Variants in DGKI observed in about 807,000 individuals in gnomAD.
The protein encoded by DGKI is DAG kinase iota.
Under a neutral mutation model 147.5 loss-of-function variants are expected in DGKI, and 55 were observed. That is an observed-to-expected ratio of 0.37 (90% CI 0.30 to 0.47). DGKI has a LOEUF of 0.47. Ranked by LOEUF, DGKI falls within the 20% of genes least tolerant of loss-of-function variation. The pLI is 1.00. For missense variants in DGKI, 1,007 were observed against 1,323.8 expected, an observed-to-expected ratio of 0.76 and a Z score of 3.71; for synonymous variants, 469 against 477.1, an observed-to-expected ratio of 0.98 and a Z score of 0.22.
At position 137,638,630 on chromosome 7, in the gene DGKI, G is replaced by C. The variant is rs13237002; in HGVS notation, c.804+6842C>G. On this transcript the variant is annotated intron_variant, in intron 6 of 32. Coordinates refer to ENST00000614521, the MANE Select transcript of DGKI (RefSeq NM_001321708.2). ...TATATATACACACACACATATATATGTGTGTATATATGTGTATGTATATAC... is the reference window on the plus strand; with the variant it reads ...TATATATACACACACACATATATATCTGTGTATATATGTGTATGTATATAC... Among the ~76,000 whole-genome samples the C allele has an allele frequency of 4.9e-4, 2 of 4,060 alleles. 1 individual carries two copies. Among genetic ancestry groups the C allele is most frequent in the Non-Finnish European group, 1.2e-3 (2 of 1,676 alleles). 2.7% of individuals were successfully genotyped at this position (4,060 alleles called of 152,430 possible).
At chr7:137,645,224 TG>T (rs1356410005) in intron 6 of DGKI, among the ~76,000 whole-genome samples, 2 of 152,264 alleles carry the variant, frequency 1.3e-5, no homozygotes, top group African/African-American at 4.8e-5. Context: ...AAATCATCAA[TG>T]AAATTCACTG....
In DGKI at chr7:137,581,739, A is replaced by G. The variant is rs922212671; in HGVS notation, c.1642+111T>C. ...GTCATCCTGAAGGTTAAAATGAAAC[A>G]ACACTGAAGCACACTGTAAACGCGT... On this transcript the variant is annotated intron_variant, in intron 15 of 32. Transcript: ENST00000614521. 3 of 880,788 alleles carry G rather than the reference A, an allele frequency of 3.4e-6. No individual in the cohort carries two copies. In the African/African-American group the frequency reaches 5.0e-5, roughly 15 times the overall value. The allele number at this position is 880,788 out of a possible 1,614,324, so 54.6% of individuals were successfully genotyped here.
rs145314024 is a variant in DGKI, at chr7:137,828,804, T to C, written c.401+17658A>G. ...GAGCCACAGTAAAAGTATAAGTCCATGCATTTACTTCTATGCCTCCCAAGT... is the reference window on the plus strand; with the variant it reads ...GAGCCACAGTAAAAGTATAAGTCCACGCATTTACTTCTATGCCTCCCAAGT... On this transcript the variant is annotated intron_variant, in intron 1 of 32. Transcript: ENST00000614521. 3.7e-4 allele frequency among the ~76,000 whole-genome samples: 57 copies of C among 152,344 alleles called. No homozygotes were observed. In the East Asian group the frequency reaches 0.01, roughly 27 times the overall value.
At chr7:137,701,374 A>G (rs921939037) in intron 1 of DGKI, among the ~76,000 whole-genome samples, 3 of 151,806 alleles carry the variant, frequency 2.0e-5, no homozygotes, top group Non-Finnish European at 4.4e-5. Flanking sequence ...GTTAATAATA[A>G]TAATAAAGGC....
chr7:137,493,928 G>A (rs1815866043), intron 21 of DGKI: 2 of 589,230 alleles, frequency 3.4e-6, no homozygotes, highest in Non-Finnish European at 6.1e-6. Flanking sequence ...AAATTCTAAA[G>A]AATACAATAA....
At chr7:137,510,321 T>C (rs1474937439) in intron 21 of DGKI, among the ~76,000 whole-genome samples, 1 of 152,238 alleles carries the variant, frequency 6.6e-6, no homozygotes, top group African/African-American at 2.4e-5. Context: ...ATGATGTATA[T>C]AATCTTTTGG....
intron 3 of DGKI, among the ~76,000 whole-genome samples, chr7:137,658,704 C>T (rs1228636912): frequency 6.6e-6 from 1 of 152,210 alleles, no homozygotes; most frequent in East Asian, 1.9e-4. Flanking sequence ...CAGGAAGCCT[C>T]ATGCATTCAA....
chr7:137,741,221 TG>T (rs1795163664), intron 1 of DGKI, among the ~76,000 whole-genome samples: 1 of 152,048 alleles, frequency 6.6e-6, no homozygotes, highest in African/African-American at 2.4e-5. Flanking sequence ...AACATCTTCT[TG>T]ATTTTAATTA....
rs545489649 is a variant in DGKI, at chr7:137,550,327, C to T, written c.2147+2042G>A. On this transcript the variant is annotated intron_variant, in intron 20 of 32. Coordinates refer to ENST00000614521, the MANE Select transcript of DGKI (RefSeq NM_001321708.2). ...AGTAGCTGGGATTACAGGCGCATGC[C>T]ACCACACCTGTCTAATTTTTGTATT... 9.2e-5 allele frequency among the ~76,000 whole-genome samples: 14 copies of T among 152,064 alleles called. No individual in the cohort carries two copies. The South Asian group carries it at 2.9e-3, about 32-fold the overall frequency.
At chr7:137,403,529 C>T (rs937692424) in intron 30 of DGKI, among the ~76,000 whole-genome samples, 15 of 152,068 alleles carry the variant, frequency 9.9e-5, no homozygotes, top group African/African-American at 3.6e-4. Context: ...AAGAAGAGGG[C>T]AGAGCAGAGG....
At chr7:137,809,119 G>T (rs1357512649) in intron 1 of DGKI, among the ~76,000 whole-genome samples, 3 of 152,172 alleles carry the variant, frequency 2.0e-5, no homozygotes, top group Non-Finnish European at 4.4e-5. Flanking sequence ...GAGGTACAAT[G>T]AGCTCAGACT....
chr7:137,551,633 C>T (rs1418606417), intron 20 of DGKI, among the ~76,000 whole-genome samples: 1 of 152,196 alleles, frequency 6.6e-6, no homozygotes, highest in Admixed American at 6.5e-5. Context: ...CCCACAGACA[C>T]TTAATCACTA....
At chr7:137,550,781 A>C (rs2128965830) in intron 20 of DGKI, among the ~76,000 whole-genome samples, 1 of 152,308 alleles carries the variant, frequency 6.6e-6, no homozygotes, top group South Asian at 2.1e-4. Context: ...ATATATAGTA[A>C]AAACTTTTAG....
intron 8 of DGKI, among the ~76,000 whole-genome samples, chr7:137,617,903 AG>A (rs1820588633): frequency 6.6e-6 from 1 of 151,626 alleles, no homozygotes; most frequent in South Asian, 2.1e-4. Flanking sequence ...AAAGAATGGC[AG>A]AAAAGTTGAT....
At chr7:137,541,595 A>G (rs758269243) in intron 20 of DGKI, among the ~76,000 whole-genome samples, 11 of 152,186 alleles carry the variant, frequency 7.2e-5, no homozygotes, top group Non-Finnish European at 1.2e-4. Context: ...TATGGATACT[A>G]AGGGATGACT....
chr7:137,737,002 C>T (rs1216538753), intron 1 of DGKI, among the ~76,000 whole-genome samples: 2 of 151,880 alleles, frequency 1.3e-5, no homozygotes, highest in African/African-American at 4.8e-5. Flanking sequence ...AATCTTTGAA[C>T]TAACTCTTAA....
chr7:137,545,187 G>A (rs1168410551), intron 20 of DGKI, among the ~76,000 whole-genome samples: 4 of 152,100 alleles, frequency 2.6e-5, no homozygotes, highest in Non-Finnish European at 4.4e-5. Context: ...AAAGGTTGTT[G>A]GGAGAGCAAA....
intron 3 of DGKI, among the ~76,000 whole-genome samples, chr7:137,660,288 A>C (rs1341700206): frequency 6.6e-6 from 1 of 152,226 alleles, no homozygotes; most frequent in Non-Finnish European, 1.5e-5. Context: ...ATCACAGTCC[A>C]TTATATTACA....
chr7:137,502,523 AGGAG>A (rs1816213178), intron 21 of DGKI, among the ~76,000 whole-genome samples: 1 of 151,950 alleles, frequency 6.6e-6, no homozygotes, highest in Non-Finnish European at 1.5e-5. Context: ...AGGATGGAGG[AGGAG>A]GAAGAACAAG....
Sources: gnomAD v4.1 joint callset for allele counts (sites outside exome capture counted in the v4.1 genomes callset) on GRCh38, gnomAD v4.1.1 for gene constraint, MANE v1.5 for transcripts, NCBI Gene and HGNC (gene_info 2026-07-23, HGNC 2026-07-21) for gene names.